The following IQUB variants were observed in gnomAD, a reference collection of about 807,000 sequenced individuals.
IQUB encodes the protein IQ motif and ubiquitin-like domain-containing protein.
In IQUB, 86 loss-of-function variants were observed where a neutral mutation model predicts 86.4. The ratio of observed to expected loss-of-function variants is 1.00; its 90% CI spans 0.84 to 1.19. IQUB has a LOEUF of 1.19. Ranked by LOEUF, IQUB falls within the 50% of genes most tolerant of loss-of-function variation. IQUB has a pLI of 0.00. For missense variants in IQUB, 946 were observed against 916.9 expected, an observed-to-expected ratio of 1.03 and a Z score of -0.41; for synonymous variants, 289 against 304.5, an observed-to-expected ratio of 0.95 and a Z score of 0.53.
chr7:123,465,902 A>T (rs1229924110), intron 9 of IQUB, among the ~76,000 whole-genome samples: 1 of 152,014 alleles, frequency 6.6e-6, no homozygotes, highest in Admixed American at 6.6e-5. Flanking sequence ...ATTTATGCTC[A>T]TATTCATTCA....
chr7:123,457,588 A>C, intron 11 of IQUB, 22 bp from the exon 12 acceptor site: 1 of 1,558,556 alleles, frequency 6.4e-7, no homozygotes, highest in Non-Finnish European at 8.7e-7. Flanking sequence ...AGCAAGTTTT[A>C]AAAACAATGT....
intron 1 of IQUB, among the ~76,000 whole-genome samples, chr7:123,525,290 T>C (rs1166553707): frequency 1.3e-5 from 2 of 152,160 alleles, no homozygotes; most frequent in Non-Finnish European, 1.5e-5. Flanking sequence ...CATTTCCTCC[T>C]TGTACCTCTG....
chr7:123,464,301 T>A (rs1461385780), intron 10 of IQUB, among the ~76,000 whole-genome samples: 1 of 151,872 alleles, frequency 6.6e-6, no homozygotes, highest in Non-Finnish European at 1.5e-5. Flanking sequence ...TCAAATATGT[T>A]ACATTTGAAG....
chr7:123,461,440 A>G lies in IQUB; in HGVS notation c.1924T>C (p.Leu642=). 1 of 1,612,326 alleles carries G rather than the reference A, an allele frequency of 6.2e-7. No homozygotes were observed. The highest frequency in any genetic ancestry group is 1.7e-5 in the Admixed American group (1 of 59,796). ...QNEAQKRESF[L]KYKCLLQQLY... is the part of the protein sequence containing the mutation. Reference sequence around the variant, plus strand: ...TGTTGAAGTAAACATTTGTACTTCAAAAATGATTCTCGTTTTTGAGCCTCA... The same window carrying G: ...TGTTGAAGTAAACATTTGTACTTCAGAAATGATTCTCGTTTTTGAGCCTCA... Residue 642 remains leucine (L), a synonymous_variant, in exon 11 of 13, where the codon TTG becomes CTG. Transcript: ENST00000324698.
intron 3 of IQUB, among the ~76,000 whole-genome samples, chr7:123,506,256 T>C (rs561440449): frequency 6.6e-6 from 1 of 152,182 alleles, no homozygotes; most frequent in Admixed American, 6.5e-5. Context: ...CTTTCCCTCA[T>C]CTTCCTGTCT....
At chr7:123,492,169 T>C (rs1427741535) in intron 7 of IQUB, among the ~76,000 whole-genome samples, 1 of 152,164 alleles carries the variant, frequency 6.6e-6, no homozygotes, top group Non-Finnish European at 1.5e-5. Flanking sequence ...TTGAGAACTC[T>C]AAAAAATAAA....
intron 2 of IQUB, among the ~76,000 whole-genome samples, chr7:123,511,262 C>G (rs575457049): frequency 9.2e-5 from 14 of 152,216 alleles, no homozygotes; most frequent in African/African-American, 3.4e-4. Context: ...GAAACTCTCT[C>G]AAAACTCATT....
rs570289545 is a variant in IQUB at position 123,525,616 on chromosome 7, C to T, written c.-5+8876G>A. Among the ~76,000 whole-genome samples the T allele has an allele frequency of 7.1e-3, 1,087 of 152,146 alleles. 13 individuals are homozygous for T. Among genetic ancestry groups the T allele is most frequent in the African/African-American group, 0.024 (1,014 of 41,490 alleles). Reference sequence around the variant, plus strand: ...TTTTTTTCTTTATTCGTCTTGCTAGCGGTCTATCAATTTTGTTCATCCTTT... The same window carrying T: ...TTTTTTTCTTTATTCGTCTTGCTAGTGGTCTATCAATTTTGTTCATCCTTT... On this transcript the variant is annotated intron_variant, in intron 1 of 12. Transcript: ENST00000324698.
intron 1 of IQUB, among the ~76,000 whole-genome samples, chr7:123,519,749 A>G (rs1257829401): frequency 6.6e-6 from 1 of 152,240 alleles, no homozygotes; most frequent in Non-Finnish European, 1.5e-5. Flanking sequence ...TACGGTGACT[A>G]TAGTTAACAA....
intron 8 of IQUB, among the ~76,000 whole-genome samples, chr7:123,478,980 G>A (rs1794876013): frequency 1.3e-5 from 2 of 152,116 alleles, no homozygotes; most frequent in African/African-American, 2.4e-5. Context: ...GATGCAGGTA[G>A]TAGTTAAAGC....
intron 7 of IQUB, among the ~76,000 whole-genome samples, chr7:123,485,138 T>C (rs1047388630): frequency 7.9e-5 from 12 of 152,084 alleles, no homozygotes; most frequent in African/African-American, 2.7e-4. Flanking sequence ...TACCATTGGT[T>C]GGGTGGTTTA....
intron 7 of IQUB, among the ~76,000 whole-genome samples, chr7:123,485,598 T>G (rs1231318844): frequency 6.6e-6 from 1 of 152,182 alleles, no homozygotes; most frequent in Non-Finnish European, 1.5e-5. Flanking sequence ...ATTTCCAGGG[T>G]TTGAAGTTCA....
Position 123,461,352 on chromosome 7 carries a change from C to A in IQUB, c.2007+5G>T, listed in dbSNP as rs1490086273. ...GCTATAATTGGCACCCCTTATTGACCATACCTGCATCAAGAAAGCAATTTT... is the reference window on the plus strand; with the variant it reads ...GCTATAATTGGCACCCCTTATTGACAATACCTGCATCAAGAAAGCAATTTT... On this transcript the variant is annotated splice_donor_5th_base_variant and intron_variant, in intron 11 of 12. Transcript: ENST00000324698. 10 of 1,600,440 alleles carry A rather than the reference C, an allele frequency of 6.2e-6. No individual in the cohort carries two copies. Among genetic ancestry groups the A allele is most frequent in the Non-Finnish European group, 8.5e-6 (10 of 1,170,760 alleles).
intron 1 of IQUB, among the ~76,000 whole-genome samples, chr7:123,514,466 A>C (rs1796557431): frequency 6.6e-6 from 1 of 152,202 alleles, no homozygotes; most frequent in Non-Finnish European, 1.5e-5. Context: ...AATCATAAAC[A>C]TATGGGTAAA....
intron 1 of IQUB, among the ~76,000 whole-genome samples, chr7:123,516,019 TA>T (rs1314576817): frequency 1.3e-5 from 2 of 152,222 alleles, no homozygotes; most frequent in African/African-American, 2.4e-5. Context: ...ATGCGTTTAT[TA>T]AAATGTATAG....
intron 6 of IQUB, 45 bp from the exon 7 acceptor site, chr7:123,496,951 T>A (rs554552676): frequency 8.0e-7 from 1 of 1,246,600 alleles, no homozygotes; most frequent in Admixed American, 2.3e-5. Context: ...ATCATCAACT[T>A]TTTGATCAGA....
intron 6 of IQUB, chr7:123,502,246 C>T (rs1795979150): frequency 4.7e-6 from 1 of 210,920 alleles, no homozygotes; most frequent in Non-Finnish European, 9.2e-6. Context: ...AGAAAATCGA[C>T]TACTGTCCTA....
chr7:123,527,781 C>T (rs1242522240), intron 1 of IQUB, among the ~76,000 whole-genome samples: 5 of 152,292 alleles, frequency 3.3e-5, no homozygotes, highest in African/African-American at 9.6e-5. Flanking sequence ...TGTCTGTGCC[C>T]TGCCCCCAGA....
chr7:123,500,667 A>G (rs760420613), intron 6 of IQUB, among the ~76,000 whole-genome samples: 2 of 152,108 alleles, frequency 1.3e-5, no homozygotes, highest in African/African-American at 2.4e-5. Flanking sequence ...AACAGGTCAC[A>G]CCTCACTTCC....
Sources: allele counts gnomAD v4.1 joint callset (sites outside exome capture counted in the v4.1 genomes callset), GRCh38; gene constraint gnomAD v4.1.1; transcripts MANE v1.5; gene names NCBI Gene and HGNC (gene_info 2026-07-23, HGNC 2026-07-21).